EBF1: variants seen among roughly 807,000 people sequenced by gnomAD.
EBF1 encodes the protein EBF transcription factor 1, also known as transcription factor COE1.
EBF1 carries 10 observed loss-of-function variants against 68.4 expected under a neutral mutation model. The ratio of observed to expected loss-of-function variants is 0.15; its 90% CI spans 0.09 to 0.25. The LOEUF (loss-of-function observed/expected upper bound fraction) is 0.25, where lower values mean the gene tolerates loss of function less well. EBF1 is among the 10% of genes least tolerant of loss of function. The probability of loss-of-function intolerance (pLI) is 1.00; values close to 1 mark genes in which losing one functional copy is unlikely to be tolerated. For missense variants in EBF1, 509 were observed against 794.4 expected (o/e 0.64, Z 4.32); for synonymous variants, 298 against 299.8 (o/e 0.99, Z 0.06).
chr5:158,708,616 G>A (rs1024508105), intron 14 of EBF1, among the ~76,000 whole-genome samples: 1 of 152,204 alleles, frequency 6.6e-6, no homozygotes, highest in African/African-American at 2.4e-5. Flanking sequence ...ACAAAACAGT[G>A]AGAAAGGTGA....
At chr5:158,941,528 C>G (rs1179925559) in intron 6 of EBF1, among the ~76,000 whole-genome samples, 1 of 152,202 alleles carries the variant, frequency 6.6e-6, no homozygotes, top group Non-Finnish European at 1.5e-5. Context: ...ATTATCCAAA[C>G]TTAACTGCTT....
intron 15 of EBF1, among the ~76,000 whole-genome samples, chr5:158,704,343 G>A (rs976931758): frequency 3.3e-5 from 5 of 152,270 alleles, no homozygotes; most frequent in Middle Eastern, 3.4e-3. Context: ...TTTAGGAGTC[G>A]GCTTTAAAAA....
At chr5:158,730,877 TAAAA>T (rs1763954484) in intron 11 of EBF1, among the ~76,000 whole-genome samples, 188 bp downstream of exon 11, 1 of 152,220 alleles carries the variant, frequency 6.6e-6, no homozygotes, top group African/African-American at 2.4e-5. Context: ...ATAACAGATA[TAAAA>T]GTAAGCACAG....
At chr5:158,802,543 G>A (rs1780797553) in intron 8 of EBF1, among the ~76,000 whole-genome samples, 1 of 152,140 alleles carries the variant, frequency 6.6e-6, no homozygotes, top group African/African-American at 2.4e-5. Flanking sequence ...GCAGACCACT[G>A]ATGCTTACAG....
At chr5:158,823,935 A>AT (rs1785433265) in intron 7 of EBF1, among the ~76,000 whole-genome samples, 1 of 91,368 alleles carries the variant, frequency 1.1e-5, no homozygotes. Context: ...TCTGTTTCAA[A>AT]TTAAAAAAAA....
intron 6 of EBF1, among the ~76,000 whole-genome samples, chr5:159,001,727 C>T (rs572211116): frequency 1.0e-3 from 158 of 152,328 alleles, no homozygotes; most frequent in African/African-American, 3.7e-3. Flanking sequence ...GAAGGTTCCT[C>T]CTCTCAGGGG....
chr5:158,892,921 C>T (rs1479482539), intron 6 of EBF1, among the ~76,000 whole-genome samples: 1 of 151,972 alleles, frequency 6.6e-6, no homozygotes, highest in Non-Finnish European at 1.5e-5. Flanking sequence ...TTTTTCTAAC[C>T]CTTACTTTAT....
chr5:158,808,825 A>G (rs1204075241), intron 8 of EBF1, among the ~76,000 whole-genome samples: 2 of 152,138 alleles, frequency 1.3e-5, no homozygotes, highest in Non-Finnish European at 2.9e-5. Context: ...CTGTCTCCAA[A>G]CATCCTTTGC....
chr5:158,810,947 G>A (rs569333930), intron 8 of EBF1, among the ~76,000 whole-genome samples: 2 of 152,272 alleles, frequency 1.3e-5, no homozygotes, highest in African/African-American at 4.8e-5. Flanking sequence ...CCCACGGCAG[G>A]CCGGCAGAAA....
intron 6 of EBF1, among the ~76,000 whole-genome samples, chr5:158,899,989 C>A (rs999136489): frequency 2.0e-5 from 3 of 152,140 alleles, no homozygotes; most frequent in Admixed American, 1.3e-4. Context: ...AGATGACAAG[C>A]TGGGAGGCAA....
chr5:158,760,015 C>T (rs1771055943), intron 10 of EBF1, among the ~76,000 whole-genome samples: 1 of 152,044 alleles, frequency 6.6e-6, no homozygotes, highest in South Asian at 2.1e-4. Flanking sequence ...ACCTAGAATT[C>T]TTCGGGAATG....
chr5:159,015,931 C>T (rs1363377169), intron 6 of EBF1, among the ~76,000 whole-genome samples: 1 of 152,160 alleles, frequency 6.6e-6, no homozygotes, highest in Non-Finnish European at 1.5e-5. Context: ...GTGTTTACAG[C>T]CTACTAAAAT....
At chr5:158,940,753 T>TCCC (rs1561573370) in intron 6 of EBF1, among the ~76,000 whole-genome samples, 2 of 7,678 alleles carry the variant, frequency 2.6e-4, no homozygotes, top group Non-Finnish European at 3.2e-4. Context: ...TGCACCCCCT[T>TCCC]CACCCCACCG....
intron 6 of EBF1, among the ~76,000 whole-genome samples, chr5:159,071,461 C>T (rs745840320): frequency 3.3e-5 from 5 of 152,164 alleles, no homozygotes; most frequent in Non-Finnish European, 7.3e-5. Flanking sequence ...GTTTGAACTA[C>T]CCCAGCCAAG....
chr5:159,004,656 T>C (rs1200992148), intron 6 of EBF1, among the ~76,000 whole-genome samples: 1 of 152,182 alleles, frequency 6.6e-6, no homozygotes, highest in Non-Finnish European at 1.5e-5. Context: ...TGTTCTATAA[T>C]GAATTCCATG....
chr5:159,088,422 C>T (rs1005920938), intron 4 of EBF1, among the ~76,000 whole-genome samples: 2 of 152,060 alleles, frequency 1.3e-5, no homozygotes, highest in South Asian at 4.2e-4. Flanking sequence ...TTCAGCAAAC[C>T]CAGACTTTAA....
At chr5:158,814,943 T>C (rs1175093154) in intron 8 of EBF1, among the ~76,000 whole-genome samples, 1 of 152,194 alleles carries the variant, frequency 6.6e-6, no homozygotes, top group African/African-American at 2.4e-5. Flanking sequence ...ATACATGATG[T>C]GCCCCATTTT....
chr5:158,815,753 G>A lies in EBF1; in HGVS notation c.778+7423C>T, dbSNP rs1783605685. On this transcript the variant is annotated intron_variant, in intron 8 of 15. Transcript: ENST00000313708. ...CATATCCCCAGTGTTAGGATTTCCG[G>A]TGTTACCTGCTTTATGAATTACTCA... is the stretch of plus-strand genomic sequence containing the variant. 2.6e-5 allele frequency among the ~76,000 whole-genome samples: 4 copies of A among 152,270 alleles called. No homozygotes were observed. In the South Asian group the frequency reaches 8.3e-4, roughly 32 times the overall value.
chr5:158,757,078 A>G (rs1770291164), intron 10 of EBF1, among the ~76,000 whole-genome samples: 2 of 152,122 alleles, frequency 1.3e-5, no homozygotes, highest in African/African-American at 4.8e-5. Context: ...CTAAATTGGA[A>G]CAATGCTTTG....
Sources: gnomAD v4.1 joint callset for allele counts (sites outside exome capture counted in the v4.1 genomes callset) on GRCh38, gnomAD v4.1.1 for gene constraint, MANE v1.5 for transcripts, NCBI Gene and HGNC (gene_info 2026-07-23, HGNC 2026-07-21) for gene names.